The following EFCAB7 variants were observed in gnomAD, a reference collection of about 807,000 sequenced individuals.
EFCAB7 encodes the protein EF-hand calcium binding domain 7.
In EFCAB7, 66 loss-of-function variants were observed where a neutral mutation model predicts 77.1. That is an observed-to-expected ratio of 0.86 (90% CI 0.70 to 1.05). EFCAB7 has a LOEUF of 1.05. Among genes scored for constraint, EFCAB7 ranks in the 50% least tolerant of loss-of-function variants. The pLI is 0.00. For missense variants in EFCAB7, 638 were observed against 730.5 expected (o/e 0.87, Z 1.46); for synonymous variants, 225 against 243.3 (o/e 0.92, Z 0.70).
At chr1:63,556,093 T>C (rs1647027089) in intron 9 of EFCAB7, among the ~76,000 whole-genome samples, 1 of 151,982 alleles carries the variant, frequency 6.6e-6, no homozygotes, top group Non-Finnish European at 1.5e-5. Flanking sequence ...AGAAGAGTGG[T>C]TATAGCAGCT....
At chr1:63,584,587 A>C in the EFCAB7 span, among the ~76,000 whole-genome samples, 27 of 152,290 alleles carry the variant, frequency 1.8e-4, no homozygotes, top group African/African-American at 6.0e-4. Context: ...TTTCCAAGTT[A>C]CACCAAGTGT....
At chr1:63,580,923 A>G in the EFCAB7 span, among the ~76,000 whole-genome samples, 3 of 151,806 alleles carry the variant, frequency 2.0e-5, no homozygotes, top group South Asian at 6.2e-4. Context: ...GACCCTTGTT[A>G]AACTCATTTA....
In EFCAB7 at chr1:63,572,453, T is replaced by C; in HGVS notation, c.1827T>C (p.His609=). Residue 609 remains histidine, a synonymous_variant, in exon 14 of 14, where the codon CAT becomes CAC. Transcript: ENST00000371088. ...ATTTTTATGTGCAGGTTTGTCAACA[T>C]GTAATGCCTTTGAATGAACGACAAG... The part of the protein sequence containing the change: ...VGPKSTMVCQ[H]VMPLNERQEW... 1 of 1,579,914 alleles carries C rather than the reference T, an allele frequency of 6.3e-7. No individual in the cohort carries two copies.
Position 63,571,008 on chromosome 1 carries a change from C to CT in EFCAB7, c.1708-6dup. 3 of 1,567,356 alleles carry CT rather than the reference C, an allele frequency of 1.9e-6. No individual in the cohort carries two copies. The highest frequency in any genetic ancestry group is 2.6e-6 in the Non-Finnish European group (3 of 1,149,888). On this transcript the variant is annotated splice_polypyrimidine_tract_variant and intron_variant, in intron 12 of 13. Transcript: ENST00000371088. Reference sequence around the variant, plus strand: ...AGAAAGGAATAGCAGCTTATGAAATCTTTTTTTAATAGTCAGATGAGAAAG... The same window carrying CT: ...AGAAAGGAATAGCAGCTTATGAAATCTTTTTTTTAATAGTCAGATGAGAAAG...
chr1:63,546,861 T>C (rs774558546), intron 7 of EFCAB7, among the ~76,000 whole-genome samples: 5 of 152,234 alleles, frequency 3.3e-5, no homozygotes, highest in Non-Finnish European at 5.9e-5. Flanking sequence ...TTCATGGTAA[T>C]ATTCTAGATA....
chr1:63,563,393 T>C (rs924064086), intron 11 of EFCAB7, among the ~76,000 whole-genome samples: 1 of 152,204 alleles, frequency 6.6e-6, no homozygotes. Context: ...ATTGATTGCT[T>C]ACTATAAAGG....
At chr1:63,576,239 GGA>G (rs1177689934), downstream of EFCAB7, among the ~76,000 whole-genome samples, 2 of 152,168 alleles carry the variant, frequency 1.3e-5, no homozygotes, top group Non-Finnish European at 2.9e-5. Flanking sequence ...TCAGCACTTG[GGA>G]GGCCGAGGCT....
chr1:63,543,971 C>CTTTTTTTTTTTTTTTTTTTCT (rs35018430), intron 6 of EFCAB7, among the ~76,000 whole-genome samples: 1 of 131,136 alleles, frequency 7.6e-6, no homozygotes, highest in Non-Finnish European at 1.6e-5. Flanking sequence ...TTTCTTTTTT[C>CTTTTTTTTTTTTTTTTTTTCT]TTTTTTTTTT....
At chr1:63,533,386 A>G in intron 4 of EFCAB7, 68 bp from the exon 5 acceptor site, 1 of 1,180,496 alleles carries the variant, frequency 8.5e-7, no homozygotes, top group Non-Finnish European at 1.2e-6. Flanking sequence ...ACTAATGTGC[A>G]TTTGCTTTCT....
At chr1:63,549,254 T>C (rs1646937610) in intron 7 of EFCAB7, 1 of 440,192 alleles carries the variant, frequency 2.3e-6, no homozygotes, top group Middle Eastern at 3.5e-4. Context: ...ATGAAGACCA[T>C]AATAAAAGAG....
chr1:63,542,830 A>G (rs1478501459), intron 6 of EFCAB7, among the ~76,000 whole-genome samples: 2 of 152,144 alleles, frequency 1.3e-5, no homozygotes, highest in Non-Finnish European at 2.9e-5. Flanking sequence ...GTTGAATTGT[A>G]GGAGTTCTTT....
chr1:63,565,406 A>C (rs1253380366), intron 11 of EFCAB7, among the ~76,000 whole-genome samples: 1 of 152,096 alleles, frequency 6.6e-6, no homozygotes, highest in African/African-American at 2.4e-5. Flanking sequence ...AAAGACTGAA[A>C]TGTAAAACCC....
At position 63,533,971 on chromosome 1, in the gene EFCAB7, T is replaced by C. The variant is rs539929798; in HGVS notation, c.683-124T>C. 5.5e-6 allele frequency: 6 copies of C among 1,097,802 alleles called. No individual in the cohort carries two copies. In the East Asian group the frequency reaches 1.2e-4, roughly 22 times the overall value. 68.0% of individuals were successfully genotyped at this position (1,097,802 alleles called of 1,614,324 possible). On this transcript the variant is annotated intron_variant, in intron 5 of 13. Coordinates refer to ENST00000371088, the MANE Select transcript of EFCAB7 (RefSeq NM_032437.4). ...TAAATATAAAACTTCTGACTTTATT[T>C]CAATAGGGAGAACAAAGAGAATCAA...
chr1:63,568,646 A>AATT, intron 12 of EFCAB7, 127 bp downstream of exon 12: 3 of 661,894 alleles, frequency 4.5e-6, no homozygotes, highest in African/African-American at 3.8e-5. Context: ...TATAATGCAT[A>AATT]ATTATTTTTT....
intron 6 of EFCAB7, among the ~76,000 whole-genome samples, chr1:63,538,145 C>T (rs942888711): frequency 2.0e-5 from 3 of 152,148 alleles, no homozygotes; most frequent in African/African-American, 7.2e-5. Flanking sequence ...GAATACAGCA[C>T]CACCTCATGC....
chr1:63,546,315 G>C (rs896715763), intron 7 of EFCAB7, among the ~76,000 whole-genome samples: 1 of 150,968 alleles, frequency 6.6e-6, no homozygotes, highest in Non-Finnish European at 1.5e-5. Flanking sequence ...AGCTAAGATA[G>C]AAGAAAATAA....
intron 12 of EFCAB7, chr1:63,569,849 A>G (rs985568354): frequency 2.0e-5 from 3 of 152,212 alleles, no homozygotes; most frequent in African/African-American, 7.2e-5. Context: ...CCTAAGATGC[A>G]TCATGGTTCC....
intron 11 of EFCAB7, among the ~76,000 whole-genome samples, chr1:63,562,328 G>A (rs1055095649): frequency 2.0e-5 from 3 of 150,708 alleles, no homozygotes; most frequent in African/African-American, 7.3e-5. Flanking sequence ...ACAAAGCATT[G>A]TGTATGTATC....
chr1:63,556,610 A>G (rs1256584507), intron 9 of EFCAB7, among the ~76,000 whole-genome samples: 1 of 149,868 alleles, frequency 6.7e-6, no homozygotes, highest in African/African-American at 2.4e-5. Context: ...GTTGTTCTAG[A>G]AGCTTTTTTA....
Sources: gnomAD v4.1 joint callset for allele counts (sites outside exome capture counted in the v4.1 genomes callset) on GRCh38, gnomAD v4.1.1 for gene constraint, MANE v1.5 for transcripts, NCBI Gene and HGNC (gene_info 2026-07-23, HGNC 2026-07-21) for gene names.